The following CARS2 variants were observed in gnomAD, a reference collection of about 807,000 sequenced individuals.
CARS2 encodes probable cysteine--tRNA ligase, mitochondrial.
CARS2 carries 52 observed loss-of-function variants against 68.8 expected under a neutral mutation model. The ratio of observed to expected loss-of-function variants is 0.76; its 90% CI spans 0.61 to 0.95. CARS2 has a LOEUF of 0.95. Ranked by LOEUF, CARS2 falls within the 40% of genes least tolerant of loss-of-function variation. The probability of loss-of-function intolerance (pLI) is 0.00; values close to 1 mark genes in which losing one functional copy is unlikely to be tolerated. For missense variants in CARS2, 780 were observed against 754.2 expected, an observed-to-expected ratio of 1.03 and a Z score of -0.40; for synonymous variants, 314 against 303.6, an observed-to-expected ratio of 1.03 and a Z score of -0.36.
rs1287750497 is a variant in CARS2 at position 110,688,037 on chromosome 13, T to C, written c.394-19A>G. ...TATTCATCTGCAGAAGGATTAGATG[T>C]GCACGTTAATGAGTCTGGGGCATTC... On this transcript the variant is annotated intron_variant, in intron 3 of 14. Transcript: ENST00000257347. 2 of 1,562,670 alleles carry C rather than the reference T, an allele frequency of 1.3e-6. No homozygotes were observed. Among genetic ancestry groups the C allele is most frequent in the Non-Finnish European group, 1.8e-6 (2 of 1,136,348 alleles).
rs542789745 is a variant in CARS2, at chr13:110,705,618, A to C, written c.225-47T>G. On this transcript the variant is annotated intron_variant, in intron 1 of 14. Transcript: ENST00000257347. The surrounding 1 kb of genome is among the most constrained non-coding windows in gnomAD (Gnocchi z 4.0). The stretch of plus-strand genomic sequence containing the variant: ...ATCGTGTGGAACATATTTGCAAGAA[A>C]GGACATTCGATTCTGAGTTATAATG... 24 of 1,557,658 alleles carry C rather than the reference A, an allele frequency of 1.5e-5. 1 individual carries two copies. The South Asian group carries it at 2.4e-4, about 16-fold the overall frequency.
At position 110,673,494 on chromosome 13, in the gene CARS2, C is replaced by G. The variant is rs1488517135; in HGVS notation, c.785+3480G>C. On this transcript the variant is annotated intron_variant, in intron 7 of 14. Transcript: ENST00000257347. ...TTATCTCAATAGATGCAGAAAAGGCCTTTTGACAAAATTCAACAGCCCTTC... is the reference window on the plus strand; with the variant it reads ...TTATCTCAATAGATGCAGAAAAGGCGTTTTGACAAAATTCAACAGCCCTTC... 5.9e-5 allele frequency among the ~76,000 whole-genome samples: 9 copies of G among 152,270 alleles called. No homozygotes were observed. The South Asian group carries it at 1.7e-3, about 28-fold the overall frequency.
chr13:110,663,937 A>T lies in CARS2; in HGVS notation c.920-419T>A, dbSNP rs182296876. 6.1e-3 allele frequency: 6,113 copies of T among 995,074 alleles called. 24 individuals are homozygous for T. Among genetic ancestry groups the T allele is most frequent in the Non-Finnish European group, 6.9e-3 (5,813 of 836,520 alleles). The allele number at this position is 995,074 out of a possible 1,614,324, so 61.6% of individuals were successfully genotyped here. A position where few individuals can be genotyped will look rare whatever the true frequency, so the allele number is the denominator to read the frequency against. Reference sequence around the variant, plus strand: ...AGGCACTTGGCGGTGAAGCTTGTTGACCGTTGTCCAAAAACAGAGTGGCAC... The same window carrying T: ...AGGCACTTGGCGGTGAAGCTTGTTGTCCGTTGTCCAAAAACAGAGTGGCAC... On this transcript the variant is annotated intron_variant, in intron 8 of 14. Coordinates refer to ENST00000257347, the MANE Select transcript of CARS2 (RefSeq NM_024537.4).
chr13:110,697,718 C>T (rs1400112329), intron 3 of CARS2, among the ~76,000 whole-genome samples: 1 of 152,234 alleles, frequency 6.6e-6, no homozygotes. Context: ...CAGGCGTGAG[C>T]CACTGCACCC....
intron 13 of CARS2, chr13:110,643,014 G>A (rs895156968): frequency 7.4e-5 from 26 of 349,208 alleles, no homozygotes; most frequent in Non-Finnish European, 1.1e-4. Context: ...AGATCCTGGG[G>A]CGGTGTGGAA....
At chr13:110,680,210 G>A (rs986526937) in intron 6 of CARS2, among the ~76,000 whole-genome samples, 10 of 150,162 alleles carry the variant, frequency 6.7e-5, no homozygotes, top group Non-Finnish European at 1.5e-4. Context: ...TGGCCAACAC[G>A]GCAAAACCCC....
At chr13:110,658,985 T>G (rs1196569331) in intron 9 of CARS2, among the ~76,000 whole-genome samples, 1 of 152,046 alleles carries the variant, frequency 6.6e-6, no homozygotes, top group Non-Finnish European at 1.5e-5. Context: ...AAGAAATTAC[T>G]GCTAACTTTT....
intron 10 of CARS2, among the ~76,000 whole-genome samples, chr13:110,649,585 C>T (rs958422882): frequency 2.0e-5 from 3 of 152,216 alleles, no homozygotes; most frequent in Admixed American, 6.5e-5. Context: ...GTTTCGGCTG[C>T]ATGTCCCCAC....
chr13:110,651,021 G>A lies in CARS2; in HGVS notation c.1054+13C>T, dbSNP rs779882291. The A allele has an allele frequency of 6.2e-7, 1 of 1,604,774 alleles. No homozygotes were observed. Among genetic ancestry groups the A allele is most frequent in the East Asian group, 2.2e-5 (1 of 44,820 alleles). On this transcript the variant is annotated intron_variant, in intron 10 of 14. Transcript: ENST00000257347. ...GCTGGGGGGGGAGTCCACTCCACGTGTGCTCGGCTCACCTGAGCGGTAGCT... is the reference window on the plus strand; with the variant it reads ...GCTGGGGGGGGAGTCCACTCCACGTATGCTCGGCTCACCTGAGCGGTAGCT...
rs755212354 is a variant in CARS2 at position 110,667,374 on chromosome 13, C to G, written c.885G>C (p.Gln295His). ...NEIAQCEVFH[Q>H]CEQWGNYFLH... Reference sequence around the variant, plus strand: ...GAAAATAATTTCCCCACTGCTCGCACTGATGAAAGACTTCGCACTGTGCAA... The same window carrying G: ...GAAAATAATTTCCCCACTGCTCGCAGTGATGAAAGACTTCGCACTGTGCAA... Residue 295 changes from glutamine to histidine, a missense_variant, in exon 8 of 15, where the codon CAG becomes CAC. Physicochemically the swap from Gln to His is conservative, Grantham distance 24. Transcript: ENST00000257347. 1 of 1,613,676 alleles carries G rather than the reference C, an allele frequency of 6.2e-7. No individual in the cohort carries two copies. Among genetic ancestry groups the G allele is most frequent in the Non-Finnish European group, 8.5e-7 (1 of 1,179,756 alleles).
rs923902676 is a variant in CARS2, at chr13:110,668,978, T to C, written c.786-1505A>G. Among the ~76,000 whole-genome samples, 1 of 152,214 alleles carries C rather than the reference T, an allele frequency of 6.6e-6. No individual in the cohort carries two copies. Among genetic ancestry groups the C allele is most frequent in the African/African-American group, 2.4e-5 (1 of 41,470 alleles). On this transcript the variant is annotated intron_variant, in intron 7 of 14. Transcript: ENST00000257347. This position sits in a 1 kb window ranked among gnomAD's most constrained non-coding sequence, Gnocchi z 4.1. ...AAATGAATCTACAACCCAGTTTATA[T>C]GCCATAGTCTGCTATTAAGTATTGA...
chr13:110,681,020 G>A (rs531972314), intron 6 of CARS2, among the ~76,000 whole-genome samples: 9 of 152,316 alleles, frequency 5.9e-5, no homozygotes, highest in African/African-American at 2.2e-4. Flanking sequence ...TTCCACTAGG[G>A]GGTGACCGCA....
At chr13:110,674,347 T>C (rs1377629729) in intron 7 of CARS2, among the ~76,000 whole-genome samples, 3 of 151,764 alleles carry the variant, frequency 2.0e-5, no homozygotes, top group African/African-American at 7.2e-5. Flanking sequence ...CAAAACAGCA[T>C]GGTACTGGTA....
chr13:110,697,475 C>T (rs767815223), intron 3 of CARS2, among the ~76,000 whole-genome samples: 2 of 152,232 alleles, frequency 1.3e-5, no homozygotes, highest in Non-Finnish European at 2.9e-5. Flanking sequence ...CAGAGTCTCA[C>T]CCTGTGGCCC....
Position 110,663,510 on chromosome 13 carries a change from G to A in CARS2, c.928C>T (p.His310Tyr), listed in dbSNP as rs868165922. The change falls in exon 9 of 15, where the codon CAC becomes TAC. Residue 310 changes from histidine (H) to tyrosine (Y), a missense_variant. Transcript: ENST00000257347. The stretch of plus-strand genomic sequence containing the variant: ...ATTTTTTCTTCTTTGCCTTTGGCGT[G>A]CAAATGCCCTGAAACAAAAACAAAA... ...GNYFLHSGHLHAKGKEEKMSK... is the reference protein window; with the variant it reads ...GNYFLHSGHLYAKGKEEKMSK... 2 of 1,613,864 alleles carry A rather than the reference G, an allele frequency of 1.2e-6. No individual in the cohort carries two copies. Among genetic ancestry groups the A allele is most frequent in the Non-Finnish European group, 1.7e-6 (2 of 1,179,902 alleles).
intron 3 of CARS2, among the ~76,000 whole-genome samples, chr13:110,697,088 C>T (rs1169340188): frequency 3.9e-5 from 6 of 152,256 alleles, no homozygotes; most frequent in Non-Finnish European, 5.9e-5. Flanking sequence ...TCTTTCTGAT[C>T]TTGAAGATTC....
intron 3 of CARS2, among the ~76,000 whole-genome samples, chr13:110,689,884 C>T (rs1039176112): frequency 1.3e-5 from 2 of 152,222 alleles, no homozygotes; most frequent in East Asian, 1.9e-4. Context: ...GTCTTCTTGC[C>T]GCTTCAGACT....
intron 3 of CARS2, among the ~76,000 whole-genome samples, chr13:110,700,348 C>T (rs1050713124): frequency 6.6e-6 from 1 of 152,190 alleles, no homozygotes; most frequent in African/African-American, 2.4e-5. Context: ...CCATGTCACC[C>T]ACACCAGCGC....
At chr13:110,671,218 A>G (rs1043629826) in intron 7 of CARS2, among the ~76,000 whole-genome samples, 3 of 152,202 alleles carry the variant, frequency 2.0e-5, no homozygotes, top group African/African-American at 7.2e-5. Flanking sequence ...AGAGAACGCC[A>G]CAGAGATACT....
Sources: allele counts gnomAD v4.1 joint callset (sites outside exome capture counted in the v4.1 genomes callset), GRCh38; gene constraint gnomAD v4.1.1; non-coding constraint Gnocchi (gnomAD v3.1); transcripts MANE v1.5; gene names NCBI Gene and HGNC (gene_info 2026-07-23, HGNC 2026-07-21).